RBFOX1: variants seen among roughly 807,000 people sequenced by gnomAD.
RBFOX1 encodes the protein RNA binding protein fox-1 homolog 1.
RBFOX1 carries 8 observed loss-of-function variants against 57.7 expected under a neutral mutation model. The observed-to-expected ratio is 0.14, with a 90% CI of 0.08 to 0.25. The LOEUF is 0.25. RBFOX1 is among the 10% of genes least tolerant of loss of function. The pLI is 1.00. For synonymous variants in RBFOX1, 326 were observed against 222.4 expected, an observed-to-expected ratio of 1.47 and a Z score of -4.15; for missense variants, 611 against 548.5, an observed-to-expected ratio of 1.11 and a Z score of -1.14.
chr16:6,907,442 A>C (rs138758818), intron 3 of RBFOX1, among the ~76,000 whole-genome samples: 66 of 152,322 alleles, frequency 4.3e-4, no homozygotes, highest in Admixed American at 2.9e-3. Flanking sequence ...CAATAACAGG[A>C]ATTGATCGTC....
intron 3 of RBFOX1, among the ~76,000 whole-genome samples, chr16:7,014,461 G>C (rs1227487453): frequency 6.6e-6 from 1 of 151,604 alleles, no homozygotes; most frequent in East Asian, 1.9e-4. Flanking sequence ...TGGCCAGGCT[G>C]ATCTCGAACT....
In RBFOX1 at chr16:5,437,539, CTAAGAAGCTT is replaced by C. The variant is rs541411055; in HGVS notation, c.220-29676_220-29667del. On this transcript the variant is annotated intron_variant, in intron 1 of 2. Transcript: ENST00000585867. ...TGCATATCCAACCATAGATGAATCT[CTAAGAAGCTT>C]AATGTCTAATGGATGCAAACTTAAA... 6.0e-3 allele frequency among the ~76,000 whole-genome samples: 909 copies of C among 152,254 alleles called. 10 individuals are homozygous for C. Among genetic ancestry groups the C allele is most frequent in the African/African-American group, 0.021 (861 of 41,536 alleles).
intron 2 of RBFOX1, among the ~76,000 whole-genome samples, chr16:5,501,171 A>T (rs960497429): frequency 1.3e-5 from 2 of 151,926 alleles, no homozygotes; most frequent in African/African-American, 2.4e-5. Context: ...CAAAAAAATT[A>T]TCTGGGTGTG....
chr16:5,910,527 A>G (rs2058579249), intron 4 of RBFOX1, among the ~76,000 whole-genome samples: 1 of 150,940 alleles, frequency 6.6e-6, no homozygotes, highest in Admixed American at 6.6e-5. Context: ...TGGGATAGGT[A>G]GAAAGATTTA....
intron 3 of RBFOX1, among the ~76,000 whole-genome samples, chr16:6,881,068 A>G (rs1032270901): frequency 6.6e-6 from 1 of 152,166 alleles, no homozygotes; most frequent in Non-Finnish European, 1.5e-5. Context: ...TTGCTAATCA[A>G]TCATGGCACT....
chr16:7,299,984 T>C (rs2095992450), intron 4 of RBFOX1, among the ~76,000 whole-genome samples: 1 of 152,228 alleles, frequency 6.6e-6, no homozygotes, highest in South Asian at 2.1e-4. Flanking sequence ...TAAACAAATG[T>C]GAGGCTTATG....
chr16:6,907,121 G>C (rs1401374406), intron 3 of RBFOX1, among the ~76,000 whole-genome samples: 1 of 152,164 alleles, frequency 6.6e-6, no homozygotes, highest in East Asian at 1.9e-4. Context: ...TTCCCCAGTA[G>C]GCATTTCACA....
At chr16:5,289,124 C>CA (rs943799484) in intron 1 of RBFOX1, 29 of 196,904 alleles carry the variant, frequency 1.5e-4, no homozygotes, top group South Asian at 5.2e-4. Flanking sequence ...GACTCTGTCT[C>CA]AAAAAACAAA....
At chr16:5,797,277 G>A (rs995607538) in intron 3 of RBFOX1, among the ~76,000 whole-genome samples, 1 of 152,174 alleles carries the variant, frequency 6.6e-6, no homozygotes, top group Non-Finnish European at 1.5e-5. Flanking sequence ...TGCATCAATG[G>A]TGTAGACTTT....
At chr16:6,952,418 A>G (rs893761583) in intron 3 of RBFOX1, among the ~76,000 whole-genome samples, 1 of 152,278 alleles carries the variant, frequency 6.6e-6, no homozygotes, top group East Asian at 1.9e-4. Context: ...AGGCCAAGGC[A>G]GGAGGATTGC....
intron 2 of RBFOX1, among the ~76,000 whole-genome samples, chr16:6,543,466 A>G (rs775988164): frequency 2.0e-5 from 3 of 152,074 alleles, no homozygotes; most frequent in Admixed American, 6.6e-5. Context: ...CTTGACTCTG[A>G]CATGTGGCTC....
chr16:7,156,740 A>G (rs924659118), intron 4 of RBFOX1, among the ~76,000 whole-genome samples: 1 of 152,122 alleles, frequency 6.6e-6, no homozygotes, highest in African/African-American at 2.4e-5. Context: ...TGCATGTTAA[A>G]TGGCTTGAGT....
At chr16:6,329,063 C>T (rs1367740383) in intron 2 of RBFOX1, among the ~76,000 whole-genome samples, 2 of 152,158 alleles carry the variant, frequency 1.3e-5, no homozygotes, top group South Asian at 4.2e-4. Context: ...GTGCCCTTTT[C>T]TACCCTTCCC....
chr16:5,427,595 A>AAAAC (rs2067601312), intron 1 of RBFOX1, among the ~76,000 whole-genome samples: 1 of 143,830 alleles, frequency 7.0e-6, no homozygotes, highest in Admixed American at 6.8e-5. Flanking sequence ...AAAACAAAAC[A>AAAAC]AAACAAAACA....
chr16:7,536,129 A>G (rs1458179484), intron 5 of RBFOX1, among the ~76,000 whole-genome samples: 4 of 152,204 alleles, frequency 2.6e-5, no homozygotes, highest in Non-Finnish European at 5.9e-5. Flanking sequence ...TTCCATCTGC[A>G]ATTGGTTGAA....
intron 1 of RBFOX1, among the ~76,000 whole-genome samples, chr16:6,153,229 CTA>C (rs1452205512): frequency 2.6e-5 from 4 of 152,020 alleles, no homozygotes; most frequent in Non-Finnish European, 5.9e-5. Flanking sequence ...AGAATTAAAA[CTA>C]TGCAGCATTC....
chr16:7,616,493 T>C (rs776209868), intron 10 of RBFOX1, among the ~76,000 whole-genome samples: 8 of 152,222 alleles, frequency 5.3e-5, no homozygotes, highest in Non-Finnish European at 8.8e-5. Context: ...GAATTCACCA[T>C]AAATAGTTAC....
intron 4 of RBFOX1, among the ~76,000 whole-genome samples, chr16:7,422,148 G>A (rs998026969): frequency 1.3e-5 from 2 of 152,298 alleles, no homozygotes; most frequent in East Asian, 3.9e-4. Flanking sequence ...CTGTGTGTAT[G>A]TTTGTGTACG....
At chr16:7,454,453 C>G (rs1333968359) in intron 4 of RBFOX1, among the ~76,000 whole-genome samples, 3 of 152,194 alleles carry the variant, frequency 2.0e-5, no homozygotes, top group African/African-American at 4.8e-5. Flanking sequence ...GCAGCTCACC[C>G]TGTTTTCCAT....
Sources: allele counts gnomAD v4.1 joint callset (sites outside exome capture counted in the v4.1 genomes callset), GRCh38; gene constraint gnomAD v4.1.1; transcripts MANE v1.5; gene names NCBI Gene and HGNC (gene_info 2026-07-23, HGNC 2026-07-21).